The following AFG2A variants were observed in gnomAD, a reference collection of about 807,000 sequenced individuals.
AFG2A encodes the protein AAA ATPase AFG2A.
At chr4:123,171,278 C>T in the AFG2A span, among the ~76,000 whole-genome samples, 1 of 152,190 alleles carries the variant, frequency 6.6e-6, no homozygotes, top group African/African-American at 2.4e-5. Flanking sequence ...ATATTTTCAA[C>T]ATTATGACTG....
At chr4:123,146,036 AAG>A in the AFG2A span, among the ~76,000 whole-genome samples, 3,227 of 152,242 alleles carry the variant, frequency 0.021, 63 homozygotes, top group Non-Finnish European at 0.035. Context: ...TGCCAACAGA[AAG>A]AGATTGATTT....
chr4:122,966,129 T>G, the AFG2A span, among the ~76,000 whole-genome samples: 1 of 152,200 alleles, frequency 6.6e-6, no homozygotes, highest in South Asian at 2.1e-4. Flanking sequence ...AATTCTGTTT[T>G]TCAACTTACA....
At chr4:123,270,452 A>G in the AFG2A span, among the ~76,000 whole-genome samples, 32 of 152,208 alleles carry the variant, frequency 2.1e-4, no homozygotes, top group Non-Finnish European at 4.4e-4. Context: ...GAATTGATTA[A>G]TGTTTAATAT....
chr4:123,257,787 C>T, the AFG2A span, among the ~76,000 whole-genome samples: 7 of 152,090 alleles, frequency 4.6e-5, no homozygotes, highest in Non-Finnish European at 7.4e-5. Flanking sequence ...TCACTTGAGC[C>T]GAGTAAACTA....
At chr4:123,059,612 A>G in the AFG2A span, among the ~76,000 whole-genome samples, 4 of 151,480 alleles carry the variant, frequency 2.6e-5, no homozygotes, top group Non-Finnish European at 4.4e-5. Flanking sequence ...CACAATAAAC[A>G]TACGTGTGCA....
the AFG2A span, among the ~76,000 whole-genome samples, chr4:123,270,845 TA>T: frequency 6.6e-6 from 1 of 152,192 alleles, no homozygotes; most frequent in African/African-American, 2.4e-5. Flanking sequence ...AGGTTCAACC[TA>T]AAAAGCCAGT....
chr4:123,128,551 T>G, the AFG2A span, among the ~76,000 whole-genome samples: 1 of 152,048 alleles, frequency 6.6e-6, no homozygotes, highest in Non-Finnish European at 1.5e-5. Context: ...AAAGTTAGAG[T>G]TGGAGTTTTT....
At chr4:123,053,447 G>T in the AFG2A span, among the ~76,000 whole-genome samples, 6 of 152,266 alleles carry the variant, frequency 3.9e-5, no homozygotes, top group Admixed American at 2.0e-4. Flanking sequence ...CAGTGAGAGG[G>T]CCTGGAGTTG....
the AFG2A span, among the ~76,000 whole-genome samples, chr4:123,157,462 C>T: frequency 6.6e-6 from 1 of 152,184 alleles, no homozygotes; most frequent in South Asian, 2.1e-4. Flanking sequence ...CTATGTGAAT[C>T]ATTTGATTAT....
chr4:123,010,316 C>T, the AFG2A span, among the ~76,000 whole-genome samples: 1 of 152,192 alleles, frequency 6.6e-6, no homozygotes, highest in Non-Finnish European at 1.5e-5. Flanking sequence ...TTAGAGGACC[C>T]TCAAGGCCTG....
chr4:123,084,012 T>C, the AFG2A span, among the ~76,000 whole-genome samples: 4 of 152,166 alleles, frequency 2.6e-5, no homozygotes, highest in Non-Finnish European at 5.9e-5. Flanking sequence ...CTATTCAATT[T>C]GTTTATTCTT....
the AFG2A span, among the ~76,000 whole-genome samples, chr4:123,059,981 G>C: frequency 6.6e-6 from 1 of 152,116 alleles, no homozygotes; most frequent in South Asian, 2.1e-4. Context: ...CATGTCCTTT[G>C]CCCACTTTTT....
the AFG2A span, among the ~76,000 whole-genome samples, chr4:123,150,046 C>T: frequency 2.0e-5 from 3 of 152,180 alleles, no homozygotes; most frequent in African/African-American, 4.8e-5. Flanking sequence ...TCAGTAGATA[C>T]AGAAAAGGCC....
At chr4:123,293,927 T>C in the AFG2A span, among the ~76,000 whole-genome samples, 1 of 152,336 alleles carries the variant, frequency 6.6e-6, no homozygotes, top group Middle Eastern at 3.4e-3. Flanking sequence ...GTATCATAGA[T>C]TCTCCCAGTG....
the AFG2A span, among the ~76,000 whole-genome samples, chr4:123,122,749 CT>C: frequency 9.3e-5 from 13 of 140,278 alleles, no homozygotes; most frequent in Admixed American, 1.4e-4. Context: ...TAGAAAACTA[CT>C]TTTTTTTTTG....
the AFG2A span, among the ~76,000 whole-genome samples, chr4:123,283,923 A>G: frequency 6.6e-6 from 1 of 152,066 alleles, no homozygotes. Flanking sequence ...TTGTTTCACC[A>G]TCTTCCCACC....
At chr4:123,116,883 A>G in the AFG2A span, among the ~76,000 whole-genome samples, 1 of 148,698 alleles carries the variant, frequency 6.7e-6, no homozygotes, top group Non-Finnish European at 1.5e-5. Flanking sequence ...TGGACATGAA[A>G]TGAAACTTCT....
At chr4:122,974,663 G>A in the AFG2A span, among the ~76,000 whole-genome samples, 17 of 151,572 alleles carry the variant, frequency 1.1e-4, no homozygotes, top group African/African-American at 3.2e-4. Context: ...TTTTTGAGAC[G>A]GAGTTTTGCT....
the AFG2A span, among the ~76,000 whole-genome samples, chr4:123,122,996 A>G: frequency 6.6e-6 from 1 of 152,082 alleles, no homozygotes; most frequent in South Asian, 2.1e-4. Context: ...TGTCAGAGGA[A>G]CTTTTATTAT....
Sources: gnomAD v4.1 joint callset for allele counts (sites outside exome capture counted in the v4.1 genomes callset) on GRCh38, gnomAD v4.1.1 for gene constraint, MANE v1.5 for transcripts, NCBI Gene and HGNC (gene_info 2026-07-23, HGNC 2026-07-21) for gene names.